KALRN: variants seen among roughly 807,000 people sequenced by gnomAD.
KALRN encodes kalirin.
KALRN carries 70 observed loss-of-function variants against 353.7 expected under a neutral mutation model. The ratio of observed to expected loss-of-function variants is 0.20; its 90% CI spans 0.16 to 0.24. The LOEUF (loss-of-function observed/expected upper bound fraction) is 0.24. Ranked by LOEUF, KALRN falls within the 10% of genes least tolerant of loss-of-function variation. The pLI is 1.00. For missense variants in KALRN, 2,791 were observed against 3,756.7 expected (o/e 0.74, Z 6.72); for synonymous variants, 1,391 against 1,434.8 (o/e 0.97, Z 0.69).
chr3:124,268,818 C>G lies in KALRN; in HGVS notation c.532C>G (p.Leu178Val). The change falls in exon 5 of 60, where the codon CTG becomes GTG. Residue 178 changes from leucine to valine, a missense_variant. Physicochemically the swap from Leu to Val is conservative, Grantham distance 32. Around this residue, in one of 11 missense-constraint regions of KALRN, gnomAD observed 110 missense variants for 204.1 expected, o/e 0.54. Coordinates refer to ENST00000682506, the MANE Select transcript of KALRN (RefSeq NM_001388419.1). ...GCTGACGGAGGAGTTTGATGGCTCC[C>G]TGGACTACAACCATGAGGAGTGGAT... ...SQLTEEFDGS[L>V]DYNHEEWIEL... The G allele has an allele frequency of 6.2e-7, 1 of 1,614,180 alleles. No individual in the cohort carries two copies. Among genetic ancestry groups the G allele is most frequent in the Non-Finnish European group, 8.5e-7 (1 of 1,180,032 alleles).
intron 14 of KALRN, among the ~76,000 whole-genome samples, chr3:124,421,846 C>T (rs1184817822): frequency 6.6e-6 from 1 of 152,108 alleles, no homozygotes; most frequent in Non-Finnish European, 1.5e-5. Context: ...TGTGTTTGCA[C>T]CTGTGCTCAT....
intron 13 of KALRN, 57 bp from the exon 14 acceptor site, chr3:124,413,413 C>T (rs2092310407): frequency 1.4e-6 from 2 of 1,444,812 alleles, no homozygotes; most frequent in African/African-American, 2.8e-5. Flanking sequence ...GAGCCTTAAC[C>T]TAACAATCTC....
chr3:124,495,729 T>TAAAAAA (rs1170201040), intron 32 of KALRN, among the ~76,000 whole-genome samples: 11 of 68,200 alleles, frequency 1.6e-4, no homozygotes, highest in Non-Finnish European at 2.6e-4. Flanking sequence ...GACTCCATCT[T>TAAAAAA]AAAAAAAAAA....
At chr3:124,319,524 G>A (rs904296976) in intron 6 of KALRN, among the ~76,000 whole-genome samples, 55 of 149,436 alleles carry the variant, frequency 3.7e-4, no homozygotes, top group African/African-American at 1.3e-3. Flanking sequence ...GGGAGGGAGA[G>A]TCTCCTCTGT....
At chr3:124,213,256 AT>A (rs2077045800) in intron 1 of KALRN, among the ~76,000 whole-genome samples, 1 of 151,942 alleles carries the variant, frequency 6.6e-6, no homozygotes, top group South Asian at 2.1e-4. Context: ...GATTAACTGG[AT>A]TTTTCTTTTC....
chr3:124,249,722 A>G (rs1279365681), intron 3 of KALRN, among the ~76,000 whole-genome samples: 1 of 152,148 alleles, frequency 6.6e-6, no homozygotes, highest in South Asian at 2.1e-4. Flanking sequence ...CTAGTTATGC[A>G]TGGGGGCAGC....
Position 124,054,382 on chromosome 3 carries a change from T to TAAAAATAAAAATAAAAATAAAAATA in KALRN, c.73+20573_73+20574insATAAAAATAAAAATAAAAATAAAAA, listed in dbSNP as rs368296269. 6.7e-3 allele frequency among the ~76,000 whole-genome samples: 980 copies of TAAAAATAAAAATAAAAATAAAAATA among 147,014 alleles called. 12 individuals carry two copies. Among genetic ancestry groups the TAAAAATAAAAATAAAAATAAAAATA allele is most frequent in the African/African-American group, 0.024 (949 of 39,882 alleles). ...TTAAAAATAAAAATAAAAATAAAAATAAAATAAAATGTTGCAGAAGCCTCT... is the reference window on the plus strand; with the variant it reads ...TTAAAAATAAAAATAAAAATAAAAATAAAAATAAAAATAAAAATAAAAATAAAAATAAAATGTTGCAGAAGCCTCT... On this transcript the variant is annotated intron_variant, in intron 1 of 59. Transcript: ENST00000682506.
At chr3:124,135,563 G>T (rs895088650) in intron 1 of KALRN, among the ~76,000 whole-genome samples, 1 of 152,188 alleles carries the variant, frequency 6.6e-6, no homozygotes, top group Non-Finnish European at 1.5e-5. Flanking sequence ...TTGAAAGGGT[G>T]TGGGGGTGTT....
At chr3:124,341,075 AT>A (rs2081653925) in intron 9 of KALRN, among the ~76,000 whole-genome samples, 2 of 152,250 alleles carry the variant, frequency 1.3e-5, no homozygotes, top group Admixed American at 1.3e-4. Context: ...AATAAACACA[AT>A]TAGATGAGGA....
At chr3:124,414,956 C>T (rs2092414206) in intron 14 of KALRN, among the ~76,000 whole-genome samples, 1 of 152,214 alleles carries the variant, frequency 6.6e-6, no homozygotes, top group African/African-American at 2.4e-5. Context: ...TTTCGATGAC[C>T]TGAAAGAGTA....
At chr3:124,579,410 A>C (rs1453655633) in intron 34 of KALRN, among the ~76,000 whole-genome samples, 14 of 152,220 alleles carry the variant, frequency 9.2e-5, no homozygotes, top group Non-Finnish European at 7.3e-5. Flanking sequence ...AAAAATATAA[A>C]TGAGACTCAG....
intron 46 of KALRN, 67 bp downstream of exon 46, chr3:124,666,701 G>A: frequency 7.5e-7 from 1 of 1,340,038 alleles, no homozygotes; most frequent in Non-Finnish European, 1.1e-6. Flanking sequence ...GCTTCCCTAA[G>A]ACGAGGCCCT....
chr3:124,553,353 C>T (rs2070787976), intron 33 of KALRN, among the ~76,000 whole-genome samples: 1 of 152,218 alleles, frequency 6.6e-6, no homozygotes, highest in Admixed American at 6.5e-5. Flanking sequence ...CCTAAGCAGT[C>T]TAGCTCCAGA....
At chr3:124,359,731 C>T (rs565571301) in intron 10 of KALRN, among the ~76,000 whole-genome samples, 27 of 152,234 alleles carry the variant, frequency 1.8e-4, no homozygotes, top group African/African-American at 5.3e-4. Flanking sequence ...TCAGGAGATG[C>T]TCCATAAATG....
chr3:124,719,466 C>T lies in KALRN; in HGVS notation c.8957C>T (p.Thr2986Met), dbSNP rs776926854. Residue 2986 changes from threonine to methionine, a missense_variant, in exon 60 of 60, where the codon ACG (threonine) becomes ATG (methionine). Transcript: ENST00000682506. The surrounding 1 kb of genome is among the most constrained non-coding windows in gnomAD (Gnocchi z 5.3). Reference protein sequence around the residue: ...SYIVNRVNQGT With the variant: ...SYIVNRVNQGM ...ATTGTCAACCGGGTGAACCAAGGGA[C>T]GTAGCCATCTCCCAGCCCCTATGGT... is the stretch of plus-strand genomic sequence containing the variant. 7.0e-5 allele frequency: 113 copies of T among 1,610,756 alleles called. No homozygotes were observed. Among genetic ancestry groups the T allele is most frequent in the Middle Eastern group, 3.3e-4 (2 of 6,074 alleles).
At chr3:124,267,732 C>A (rs901338343) in intron 4 of KALRN, among the ~76,000 whole-genome samples, 1 of 152,192 alleles carries the variant, frequency 6.6e-6, no homozygotes, top group Non-Finnish European at 1.5e-5. Context: ...AGTGGCAAGA[C>A]ACAGAGAGAT....
intron 34 of KALRN, among the ~76,000 whole-genome samples, chr3:124,626,566 A>G (rs2079982685): frequency 1.3e-5 from 2 of 152,292 alleles, no homozygotes; most frequent in South Asian, 2.1e-4. Flanking sequence ...TATTATTTGC[A>G]GTGTCCAGGG....
intron 34 of KALRN, among the ~76,000 whole-genome samples, chr3:124,626,822 G>A (rs1046999058): frequency 6.6e-6 from 1 of 152,206 alleles, no homozygotes; most frequent in African/African-American, 2.4e-5. Context: ...GAACTTGGAT[G>A]TAGAGATAAG....
chr3:124,495,972 T>TAC (rs2063719523), intron 32 of KALRN, among the ~76,000 whole-genome samples: 1 of 20,596 alleles, frequency 4.9e-5, no homozygotes, highest in African/African-American at 2.4e-4. Flanking sequence ...TATGTATATA[T>TAC]ATATATATAT....
Sources: gnomAD v4.1 joint callset for allele counts (sites outside exome capture counted in the v4.1 genomes callset) on GRCh38, gnomAD v4.1.1 for gene constraint, gnomAD v4.1.1 regional missense constraint, Gnocchi (gnomAD v3.1) non-coding constraint, MANE v1.5 for transcripts, NCBI Gene and HGNC (gene_info 2026-07-23, HGNC 2026-07-21) for gene names.